Variants in MRPS33 observed in about 807,000 individuals in gnomAD.
The protein encoded by MRPS33 is mitochondrial ribosomal protein S33.
MRPS33 carries 11 observed loss-of-function variants against 11.2 expected under a neutral mutation model. That is an observed-to-expected ratio of 0.99 (90% CI 0.62 to 1.63). The LOEUF (loss-of-function observed/expected upper bound fraction) is 1.63. MRPS33 is among the 40% of genes most tolerant of loss of function. The pLI is 0.00. For synonymous variants in MRPS33, 46 were observed against 44.0 expected (o/e 1.05, Z -0.18); for missense variants, 109 against 127.8 (o/e 0.85, Z 0.71).
At position 141,011,141 on chromosome 7, in the gene MRPS33, C is replaced by A. The variant is rs576871516; in HGVS notation, c.-27-481G>T. The stretch of plus-strand genomic sequence containing the variant: ...TACTATCAGTCCTTTGAACACTGTT[C>A]TCCTCAAGGGCTCCAGAAGGCTCTG... On this transcript the variant is annotated intron_variant, in intron 1 of 2. Transcript: ENST00000324787. Among the ~76,000 whole-genome samples the A allele has an allele frequency of 3.3e-5, 5 of 152,334 alleles. No individual in the cohort carries two copies. In the South Asian group the frequency reaches 1.0e-3, roughly 32 times the overall value.
At chr7:141,008,121 T>G (rs1036271796) in intron 2 of MRPS33, among the ~76,000 whole-genome samples, 2 of 152,192 alleles carry the variant, frequency 1.3e-5, no homozygotes, top group African/African-American at 4.8e-5. Flanking sequence ...CTGTCTAGTT[T>G]CATCCTGCCT....
At chr7:141,007,926 C>T (rs1266710708) in intron 2 of MRPS33, among the ~76,000 whole-genome samples, 2 of 151,762 alleles carry the variant, frequency 1.3e-5, no homozygotes, top group African/African-American at 2.4e-5. Flanking sequence ...TATTTTTTTT[C>T]CCCCTCTTCT....
chr7:141,011,398 CA>C (rs1820670825), intron 1 of MRPS33, among the ~76,000 whole-genome samples: 1 of 152,190 alleles, frequency 6.6e-6, no homozygotes, highest in Admixed American at 6.5e-5. Flanking sequence ...AAGTTCTTAT[CA>C]GCTGGAAACA....
chr7:141,012,880 A>G (rs535584712), intron 1 of MRPS33, among the ~76,000 whole-genome samples: 1 of 152,292 alleles, frequency 6.6e-6, no homozygotes, highest in East Asian at 1.9e-4. Context: ...ACAGTTACTC[A>G]TCTTCTCTGA....
chr7:141,011,768 T>C (rs1327005003), intron 1 of MRPS33, among the ~76,000 whole-genome samples: 3 of 152,114 alleles, frequency 2.0e-5, no homozygotes, highest in Admixed American at 2.0e-4. Flanking sequence ...TACATAAAAA[T>C]GGTGCCAAGT....
At chr7:141,008,346 T>C (rs980774003) in intron 2 of MRPS33, among the ~76,000 whole-genome samples, 1 of 152,240 alleles carries the variant, frequency 6.6e-6, no homozygotes, top group Non-Finnish European at 1.5e-5. Flanking sequence ...TCAGGATATC[T>C]GCCTCCCAAT....
Position 141,010,349 on chromosome 7 carries a change from C to G in MRPS33, c.215+70G>C, listed in dbSNP as rs1820644128. Reference sequence around the variant, plus strand: ...GAACAAAACTACAAGGATAGAAAGGCTAATTTTTTTCCTTTTCTGATCTAC... The same window carrying G: ...GAACAAAACTACAAGGATAGAAAGGGTAATTTTTTTCCTTTTCTGATCTAC... On this transcript the variant is annotated intron_variant, in intron 2 of 2. Transcript: ENST00000324787. 2.7e-6 allele frequency: 4 copies of G among 1,472,870 alleles called. No homozygotes were observed. The South Asian group carries it at 4.9e-5, about 18-fold the overall frequency. The allele number at this position is 1,472,870 out of a possible 1,614,324, so 91.2% of individuals were successfully genotyped here. A position where few individuals can be genotyped will look rare whatever the true frequency, so the allele number is the denominator to read the frequency against.
In MRPS33 at chr7:141,002,695, C is replaced by T. The variant is rs976166202; in HGVS notation, c.*3735G>A. ...TTATATATGTTTAAATATATGATGC[C>T]TTATGTTTATTTTGAAACACACACA... On this transcript the variant is annotated 3_prime_UTR_variant, in exon 3 of 3. Coordinates refer to ENST00000324787, the MANE Select transcript of MRPS33 (RefSeq NM_053035.3). 5.0e-6 allele frequency: 1 copy of T among 199,526 alleles called. No homozygotes were observed. Among genetic ancestry groups the T allele is most frequent in the Non-Finnish European group, 1.0e-5 (1 of 96,512 alleles). 12.4% of individuals were successfully genotyped at this position (199,526 alleles called of 1,614,324 possible).
chr7:141,012,721 G>C (rs1325653177), intron 1 of MRPS33, among the ~76,000 whole-genome samples: 1 of 152,188 alleles, frequency 6.6e-6, no homozygotes, highest in Non-Finnish European at 1.5e-5. Context: ...TCTGTAAGCT[G>C]GTATGGGAAC....
intron 1 of MRPS33, among the ~76,000 whole-genome samples, chr7:141,013,144 T>C (rs1269442782): frequency 2.6e-5 from 4 of 151,480 alleles, no homozygotes; most frequent in Admixed American, 6.6e-5. Context: ...GATGACCTCA[T>C]TTACAAAGAC....
Position 141,006,245 on chromosome 7 carries a change from G to C in MRPS33, c.*185C>G, listed in dbSNP as rs904862307. ...GCCAAGGCCAAGATAATTTTGCACA[G>C]TTAGAATGTGTTCAAGAAACCAGCC... is the stretch of plus-strand genomic sequence containing the variant. On this transcript the variant is annotated 3_prime_UTR_variant, in exon 3 of 3. Transcript: ENST00000324787. 3.6e-5 allele frequency: 22 copies of C among 612,342 alleles called. No homozygotes were observed. The African/African-American group carries it at 4.1e-4, about 11-fold the overall frequency. 37.9% of individuals were successfully genotyped at this position (612,342 alleles called of 1,614,324 possible). A position where few individuals can be genotyped will look rare whatever the true frequency, so the allele number is the denominator to read the frequency against.
chr7:141,011,253 C>T (rs1039411338), intron 1 of MRPS33, among the ~76,000 whole-genome samples: 1 of 152,180 alleles, frequency 6.6e-6, no homozygotes, highest in Non-Finnish European at 1.5e-5. Context: ...TTGGGAAAAA[C>T]AGACAGTAGC....
chr7:141,006,635 A>G (rs1820538018), intron 2 of MRPS33, 100 bp from the exon 3 acceptor site: 6 of 1,000,936 alleles, frequency 6.0e-6, no homozygotes, highest in Non-Finnish European at 9.1e-6. Flanking sequence ...CTGGTTATCG[A>G]TCTTTGACTT....
intron 1 of MRPS33, among the ~76,000 whole-genome samples, chr7:141,013,665 A>C (rs1321961288): frequency 6.6e-6 from 1 of 152,248 alleles, no homozygotes; most frequent in Non-Finnish European, 1.5e-5. Flanking sequence ...TTAAATGTGA[A>C]CTAAAGAAAA....
Position 141,006,348 on chromosome 7 carries a change from C to G in MRPS33, c.*82G>C. On this transcript the variant is annotated 3_prime_UTR_variant, in exon 3 of 3. Transcript: ENST00000324787. ...AAACTTCATTTAGGAAGATGACATT[C>G]CTCCAATAGGTGGAAAGACAATAAA... is the stretch of plus-strand genomic sequence containing the variant. 8.6e-7 allele frequency: 1 copy of G among 1,157,510 alleles called. No individual in the cohort carries two copies. The highest frequency in any genetic ancestry group is 1.9e-5 in the Admixed American group (1 of 52,084). The allele number at this position is 1,157,510 out of a possible 1,614,324, so 71.7% of individuals were successfully genotyped here.
intron 2 of MRPS33, among the ~76,000 whole-genome samples, chr7:141,008,042 T>C (rs1387895856): frequency 6.6e-6 from 1 of 152,190 alleles, no homozygotes; most frequent in Non-Finnish European, 1.5e-5. Flanking sequence ...AATGAATCAA[T>C]TGTTTCTGAG....
intron 1 of MRPS33, among the ~76,000 whole-genome samples, chr7:141,013,843 A>G (rs908143166): frequency 2.0e-5 from 3 of 152,268 alleles, no homozygotes; most frequent in African/African-American, 7.2e-5. Flanking sequence ...GGTCTGATGC[A>G]TTTAAAAGAT....
At position 141,012,173 on chromosome 7, in the gene MRPS33, C is replaced by CAAAAAAAAAAAAAAAAAA. The variant is rs56343833; in HGVS notation, c.-27-1531_-27-1514dup. ...TGAGTGACAGAGCAAGATTGTGTGT[C>CAAAAAAAAAAAAAAAAAA]AAAAAAAAAAAAAAAAAAAAAGCAG... On this transcript the variant is annotated intron_variant, in intron 1 of 2. Coordinates refer to ENST00000324787, the MANE Select transcript of MRPS33 (RefSeq NM_053035.3). Among the ~76,000 whole-genome samples, 7 of 58,774 alleles carry CAAAAAAAAAAAAAAAAAA rather than the reference C, an allele frequency of 1.2e-4. 1 individual carries two copies. Among genetic ancestry groups the CAAAAAAAAAAAAAAAAAA allele is most frequent in the African/African-American group, 4.0e-4 (5 of 12,482 alleles). 38.6% of individuals were successfully genotyped at this position (58,774 alleles called of 152,430 possible).
In MRPS33 at chr7:141,010,648, G is replaced by A. The variant is rs1820655301; in HGVS notation, c.-15C>T. ...AGGGAGGACATTTCTTGAGTGGCAAGGAGTTAGAGTTCCTATTGAAAATGA... is the reference window on the plus strand; with the variant it reads ...AGGGAGGACATTTCTTGAGTGGCAAAGAGTTAGAGTTCCTATTGAAAATGA... On this transcript the variant is annotated 5_prime_UTR_variant, in exon 2 of 3. Transcript: ENST00000324787. The A allele has an allele frequency of 9.3e-6, 15 of 1,608,684 alleles. No individual in the cohort carries two copies. Among genetic ancestry groups the A allele is most frequent in the Admixed American group, 1.7e-5 (1 of 60,000 alleles).
Sources: gnomAD v4.1 joint callset for allele counts (sites outside exome capture counted in the v4.1 genomes callset) on GRCh38, gnomAD v4.1.1 for gene constraint, MANE v1.5 for transcripts, NCBI Gene and HGNC (gene_info 2026-07-23, HGNC 2026-07-21) for gene names.